The following ATIC variants were observed in gnomAD, a reference collection of about 807,000 sequenced individuals.
The protein encoded by ATIC is 5-aminoimidazole-4-carboxamide ribonucleotide formyltransferase/IMP cyclohydrolase.
Under a neutral mutation model 72.5 loss-of-function variants are expected in ATIC, and 64 were observed. That is an observed-to-expected ratio of 0.88 (90% CI 0.72 to 1.09). The LOEUF (loss-of-function observed/expected upper bound fraction) is 1.09, where lower values mean the gene tolerates loss of function less well. Ranked by LOEUF, ATIC falls within the 50% of genes least tolerant of loss-of-function variation. The pLI is 0.00. For synonymous variants in ATIC, 281 were observed against 267.1 expected (o/e 1.05, Z -0.51); for missense variants, 787 against 732.4 (o/e 1.07, Z -0.86).
Position 215,332,362 on chromosome 2 carries a change from A to G in ATIC, c.689-20A>G, listed in dbSNP as rs202217105. 1.3e-5 allele frequency: 21 copies of G among 1,613,976 alleles called. No homozygotes were observed. The South Asian group carries it at 1.8e-4, about 14-fold the overall frequency. ...TTACTGATCCTGCTTAGTAATGTGC[A>G]TGTATATTTTTACATTTAGTTCTAA... On this transcript the variant is annotated intron_variant, in intron 7 of 15. Coordinates refer to ENST00000236959, the MANE Select transcript of ATIC (RefSeq NM_004044.7).
At chr2:215,362,690 G>A in the ATIC span, 2 of 155,104 alleles carry the variant, frequency 1.3e-5, no homozygotes, top group African/African-American at 4.8e-5. Flanking sequence ...TGGCATGGGA[G>A]ATGGAAACGG....
At chr2:215,330,270 C>T (rs779574497) in intron 7 of ATIC, among the ~76,000 whole-genome samples, 1 of 152,212 alleles carries the variant, frequency 6.6e-6, no homozygotes, top group Non-Finnish European at 1.5e-5. Context: ...CTGTGCCTCT[C>T]GCATAAATTT....
chr2:215,368,039 AG>A, the ATIC span: 1 of 1,614,062 alleles, frequency 6.2e-7, no homozygotes, highest in East Asian at 2.2e-5. Context: ...TATGAAGAAA[AG>A]GAAGAAAAAG....
intron 14 of ATIC, 70 bp from the exon 15 acceptor site, chr2:215,349,024 G>A: frequency 6.6e-7 from 1 of 1,509,046 alleles, no homozygotes; most frequent in Admixed American, 1.8e-5. Context: ...TTTCTGGCAT[G>A]GTGATTTGCA....
At chr2:215,345,774 A>G (rs1224059187) in intron 13 of ATIC, among the ~76,000 whole-genome samples, 1 of 152,190 alleles carries the variant, frequency 6.6e-6, no homozygotes, top group Non-Finnish European at 1.5e-5. Flanking sequence ...TGAGTGCTTC[A>G]TTCCTGATGT....
chr2:215,339,793 C>T (rs935934795), intron 12 of ATIC, among the ~76,000 whole-genome samples: 1 of 151,856 alleles, frequency 6.6e-6, no homozygotes, highest in Non-Finnish European at 1.5e-5. Context: ...CGCCACAACG[C>T]CTGGCTAATT....
Position 215,344,796 on chromosome 2 carries a change from C to T in ATIC, c.1245C>T (p.Leu415=). The change falls in exon 13 of 16, where the codon CTC becomes CTT. Residue 415 remains leucine, a synonymous_variant. Transcript: ENST00000236959. The stretch of plus-strand genomic sequence containing the variant: ...TGTTTCAGTTGCCAGAGTCTGCCCT[C>T]CGAGACCTCATCGTAGCCACCATTG... ...TKNKDLPESA[L]RDLIVATIAV... 1.2e-6 allele frequency: 2 copies of T among 1,614,068 alleles called. No homozygotes were observed. The highest frequency in any genetic ancestry group is 1.7e-6 in the Non-Finnish European group (2 of 1,180,014).
At position 215,333,370 on chromosome 2, in the gene ATIC, C is replaced by G. The variant is rs2106019912; in HGVS notation, c.835C>G (p.Leu279Val). ...ACCAGGTGCTGCTGTTGGAATTCCACTCAGTGAAGATGAGGCCAAAGTCTG... is the reference window on the plus strand; with the variant it reads ...ACCAGGTGCTGCTGTTGGAATTCCAGTCAGTGAAGATGAGGCCAAAGTCTG... ...SPAGAAVGIP[L>V]SEDEAKVCMV... Residue 279 changes from leucine (L) to valine (V), a missense_variant, in exon 9 of 16, where the codon CTC (leucine) becomes GTC (valine). Transcript: ENST00000236959. The G allele has an allele frequency of 6.2e-7, 1 of 1,614,118 alleles. No individual in the cohort carries two copies.
chr2:215,361,218 A>G, the ATIC span: 8 of 290,092 alleles, frequency 2.8e-5, no homozygotes, highest in Admixed American at 4.7e-5. Flanking sequence ...AATTTTGGTC[A>G]TATCATTTCA....
intron 8 of ATIC, among the ~76,000 whole-genome samples, chr2:215,332,818 G>C (rs1050119097): frequency 1.7e-4 from 26 of 152,258 alleles, no homozygotes; most frequent in African/African-American, 6.3e-4. Flanking sequence ...ATGTAATGGA[G>C]TAAACATAAA....
chr2:215,365,772 T>G, the ATIC span: 4 of 504,240 alleles, frequency 7.9e-6, no homozygotes, highest in Non-Finnish European at 1.0e-5. Flanking sequence ...ACCCCTATAA[T>G]GGGCCATTTA....
intron 4 of ATIC, among the ~76,000 whole-genome samples, chr2:215,320,228 G>GT (rs1337552377): frequency 6.6e-6 from 1 of 152,110 alleles, no homozygotes; most frequent in African/African-American, 2.4e-5. Context: ...TTAAATATAC[G>GT]TAACAGCTTT....
downstream of ATIC, among the ~76,000 whole-genome samples, chr2:215,354,114 G>T (rs1370933449): frequency 2.0e-5 from 3 of 151,950 alleles, no homozygotes; most frequent in African/African-American, 7.3e-5. Flanking sequence ...CACAGCCTCT[G>T]CCTCCATGGT....
rs147114143 is a variant in ATIC at position 215,334,951 on chromosome 2, G to A, written c.955G>A (p.Val319Ile). ...TAGGATGTCTTCATTTGGTGATTTT[G>A]TTGCATTGTCCGATGTTTGTGATGT... ...ADRMSSFGDF[V>I]ALSDVCDVPT... The change falls in exon 10 of 16, where the codon GTT (valine) becomes ATT (isoleucine). Residue 319 changes from valine (V) to isoleucine (I), a missense_variant. Coordinates refer to ENST00000236959, the MANE Select transcript of ATIC (RefSeq NM_004044.7). The A allele has an allele frequency of 1.1e-3, 1,833 of 1,613,576 alleles. 28 individuals are homozygous for A. The South Asian group carries it at 0.018, about 16-fold the overall frequency.
intron 2 of ATIC, among the ~76,000 whole-genome samples, chr2:215,315,369 TA>T (rs200419814): frequency 4.5e-4 from 69 of 151,944 alleles, no homozygotes; most frequent in African/African-American, 1.6e-3. Flanking sequence ...TATATATATA[TA>T]TTTTTTTAGA....
At chr2:215,326,177 G>A in intron 6 of ATIC, 39 bp downstream of exon 6, 1 of 1,612,586 alleles carries the variant, frequency 6.2e-7, no homozygotes, top group Non-Finnish European at 8.5e-7. Flanking sequence ...TTACATCCAT[G>A]GAGTGCAGTG....
rs1418009536 is a variant in ATIC at position 215,349,082 on chromosome 2, C to G, written c.1504-12C>G. The G allele has an allele frequency of 6.2e-7, 1 of 1,613,898 alleles. No individual in the cohort carries two copies. The highest frequency in any genetic ancestry group is 1.3e-5 in the African/African-American group (1 of 74,902). ...TCAGACCAAGCTTCTTCCTTTCTCT[C>G]TCCCCGCATAGGATGAAGATTTGAT... is the stretch of plus-strand genomic sequence containing the variant. On this transcript the variant is annotated splice_polypyrimidine_tract_variant and intron_variant, in intron 14 of 15. Coordinates refer to ENST00000236959, the MANE Select transcript of ATIC (RefSeq NM_004044.7).
chr2:215,350,988 C>T (rs1456690170), downstream of ATIC, among the ~76,000 whole-genome samples: 1 of 152,188 alleles, frequency 6.6e-6, no homozygotes, highest in Non-Finnish European at 1.5e-5. Context: ...GGCCTAGGAC[C>T]TGCCCACATT....
chr2:215,312,283 G>T (rs1473022505), intron 1 of ATIC, 122 bp downstream of exon 1: 3 of 1,442,910 alleles, frequency 2.1e-6, no homozygotes, highest in African/African-American at 2.9e-5. Context: ...GAAAGCCAGC[G>T]TCCCCGCTCC....
Sources: allele counts gnomAD v4.1 joint callset (sites outside exome capture counted in the v4.1 genomes callset), GRCh38; gene constraint gnomAD v4.1.1; transcripts MANE v1.5; gene names NCBI Gene and HGNC (gene_info 2026-07-23, HGNC 2026-07-21).